The following CFAP299 variants were observed in gnomAD, a reference collection of about 807,000 sequenced individuals.
CFAP299 encodes the protein cilia- and flagella-associated protein 299.
In CFAP299, 21 loss-of-function variants were observed where a neutral mutation model predicts 27.0. That is an observed-to-expected ratio of 0.78 (90% CI 0.55 to 1.12). CFAP299 has a LOEUF of 1.12. CFAP299 is among the 50% of genes most tolerant of loss of function. The pLI, the probability that CFAP299 is intolerant of heterozygous loss-of-function variation, is 0.00. For missense variants in CFAP299, 310 were observed against 276.6 expected (o/e 1.12, Z -0.86); for synonymous variants, 104 against 98.1 (o/e 1.06, Z -0.36).
chr4:80,498,648 A>G (rs570609566), intron 2 of CFAP299, among the ~76,000 whole-genome samples: 1 of 152,284 alleles, frequency 6.6e-6, no homozygotes, highest in African/African-American at 2.4e-5. Flanking sequence ...ACTAGTGGTA[A>G]TATGAATTAG....
chr4:80,787,227 T>A (rs1294635637), intron 3 of CFAP299, among the ~76,000 whole-genome samples: 1 of 148,224 alleles, frequency 6.7e-6, no homozygotes, highest in Non-Finnish European at 1.5e-5. Flanking sequence ...TATATATATA[T>A]AAAACATAAT....
chr4:80,387,936 C>T (rs1725107716), intron 2 of CFAP299: 5 of 824,192 alleles, frequency 6.1e-6, no homozygotes, highest in African/African-American at 5.1e-5. Flanking sequence ...AGGGTTTGGT[C>T]CTTTGGGTGT....
intron 4 of CFAP299, among the ~76,000 whole-genome samples, chr4:80,892,744 G>A (rs145592064): frequency 6.6e-6 from 1 of 151,932 alleles, no homozygotes; most frequent in Non-Finnish European, 1.5e-5. Flanking sequence ...CATAATAAAG[G>A]CATGATATGA....
chr4:80,459,415 C>T (rs1489695550), intron 2 of CFAP299, among the ~76,000 whole-genome samples: 6 of 152,170 alleles, frequency 3.9e-5, no homozygotes, highest in African/African-American at 1.4e-4. Flanking sequence ...ACATGTAAAA[C>T]CTCACATCAA....
intron 3 of CFAP299, among the ~76,000 whole-genome samples, chr4:80,633,624 G>A (rs1007897651): frequency 6.6e-6 from 1 of 151,984 alleles, no homozygotes; most frequent in African/African-American, 2.4e-5. Context: ...TGGCTTTAGG[G>A]GTTTAGATAT....
At chr4:80,874,286 C>T (rs528343329) in intron 4 of CFAP299, among the ~76,000 whole-genome samples, 2 of 152,208 alleles carry the variant, frequency 1.3e-5, no homozygotes, top group Admixed American at 6.5e-5. Context: ...ATACTTTGAG[C>T]GAAAACCTAC....
intron 2 of CFAP299, chr4:80,420,414 AT>A: frequency 3.7e-6 from 1 of 269,724 alleles, no homozygotes; most frequent in Non-Finnish European, 7.7e-6. Flanking sequence ...AGATATTTTT[AT>A]TTTTTTCATC....
chr4:80,614,764 A>G (rs1195515628), intron 3 of CFAP299, among the ~76,000 whole-genome samples: 2 of 152,206 alleles, frequency 1.3e-5, no homozygotes, highest in Non-Finnish European at 2.9e-5. Flanking sequence ...AATTAATCTC[A>G]TTTATTAAAC....
intron 2 of CFAP299, among the ~76,000 whole-genome samples, chr4:80,530,438 C>A (rs1733408705): frequency 6.6e-6 from 1 of 152,066 alleles, no homozygotes; most frequent in African/African-American, 2.4e-5. Flanking sequence ...AGTTATGCTA[C>A]AAGCCATTTT....
chr4:80,577,397 ATTTTTTT>A (rs34922224), intron 2 of CFAP299, among the ~76,000 whole-genome samples: 4 of 98,824 alleles, frequency 4.0e-5, no homozygotes, highest in African/African-American at 8.3e-5. Context: ...ATTAGAAAAC[ATTTTTTT>A]TTTTTTTTTT....
At chr4:80,744,033 T>C (rs952123657) in intron 3 of CFAP299, among the ~76,000 whole-genome samples, 30 of 152,204 alleles carry the variant, frequency 2.0e-4, no homozygotes, top group Non-Finnish European at 1.5e-4. Context: ...TGTACTTTGC[T>C]GTAAACTATA....
chr4:80,913,766 T>C (rs1000296295), intron 4 of CFAP299, among the ~76,000 whole-genome samples: 1 of 152,106 alleles, frequency 6.6e-6, no homozygotes, highest in African/African-American at 2.4e-5. Flanking sequence ...CTTTGGCTAA[T>C]GTGTACAGTA....
intron 4 of CFAP299, among the ~76,000 whole-genome samples, chr4:80,895,079 C>T (rs1044937058): frequency 6.6e-6 from 1 of 151,730 alleles, no homozygotes; most frequent in African/African-American, 2.4e-5. Context: ...TGAATAAATT[C>T]TGGAGATTAA....
intron 3 of CFAP299, among the ~76,000 whole-genome samples, chr4:80,868,897 T>TCTC (rs1732902796): frequency 7.1e-6 from 1 of 141,226 alleles, no homozygotes; most frequent in African/African-American, 2.8e-5. Flanking sequence ...GGGTGGGGGC[T>TCTC]TCTCTCTCTG....
At chr4:80,671,807 G>A (rs1188045182) in intron 3 of CFAP299, among the ~76,000 whole-genome samples, 1 of 152,096 alleles carries the variant, frequency 6.6e-6, no homozygotes, top group African/African-American at 2.4e-5. Flanking sequence ...GTCTGTTTTT[G>A]GTGTATAGGA....
rs531225673 is a variant in CFAP299 at position 80,688,591 on chromosome 4, G to GA, written c.333+105414dup. Among the ~76,000 whole-genome samples, 364 of 152,242 alleles carry GA rather than the reference G, an allele frequency of 2.4e-3. 3 individuals carry two copies. Among genetic ancestry groups the GA allele is most frequent in the African/African-American group, 8.1e-3 (338 of 41,528 alleles). Reference sequence around the variant, plus strand: ...AAGTAGATAAAACCACAAAGATGGGGAAAAAACAGAGCAGAAAAACTGGAA... The same window carrying GA: ...AAGTAGATAAAACCACAAAGATGGGGAAAAAAACAGAGCAGAAAAACTGGAA... On this transcript the variant is annotated intron_variant, in intron 3 of 5. Coordinates refer to ENST00000358105, the MANE Select transcript of CFAP299 (RefSeq NM_152770.3).
chr4:80,877,981 A>C (rs567990135), intron 4 of CFAP299, among the ~76,000 whole-genome samples: 1 of 152,104 alleles, frequency 6.6e-6, no homozygotes, highest in Non-Finnish European at 1.5e-5. Flanking sequence ...CTTGCGTCTC[A>C]TGAGTATAAG....
upstream of CFAP299, chr4:80,335,693 G>C (rs894808533): frequency 1.3e-4 from 112 of 861,910 alleles, no homozygotes; most frequent in Non-Finnish European, 2.0e-4. Context: ...TGATTGGCAG[G>C]AACGAAGTGG....
At chr4:80,894,623 T>C (rs1734519063) in intron 4 of CFAP299, among the ~76,000 whole-genome samples, 4 of 152,062 alleles carry the variant, frequency 2.6e-5, no homozygotes, top group South Asian at 2.1e-4. Context: ...ATGAAAAATA[T>C]TGTGGAGATT....
Sources: gnomAD v4.1 joint callset for allele counts (sites outside exome capture counted in the v4.1 genomes callset) on GRCh38, gnomAD v4.1.1 for gene constraint, MANE v1.5 for transcripts, NCBI Gene and HGNC (gene_info 2026-07-23, HGNC 2026-07-21) for gene names.